The following ARHGEF3 variants were observed in gnomAD, a reference collection of about 807,000 sequenced individuals.
ARHGEF3 encodes the protein Rho guanine nucleotide exchange factor 3, also known as 59.8 kDA protein.
In ARHGEF3, 28 loss-of-function variants were observed where a neutral mutation model predicts 63.2. That is an observed-to-expected ratio of 0.44 (90% CI 0.33 to 0.61). The LOEUF is 0.61. Ranked by LOEUF, ARHGEF3 falls within the 20% of genes least tolerant of loss-of-function variation. ARHGEF3 has a pLI of 0.03. For missense variants in ARHGEF3, 533 were observed against 659.3 expected, an observed-to-expected ratio of 0.81 and a Z score of 2.10; for synonymous variants, 266 against 254.2, an observed-to-expected ratio of 1.05 and a Z score of -0.44.
chr3:56,746,361 T>C (rs1015775173), intron 6 of ARHGEF3, among the ~76,000 whole-genome samples: 1 of 152,248 alleles, frequency 6.6e-6, no homozygotes, highest in African/African-American at 2.4e-5. Context: ...CTCTGTGTTC[T>C]GAATGAACAA....
chr3:56,740,404 T>C (rs979907275), intron 7 of ARHGEF3, among the ~76,000 whole-genome samples: 15 of 152,126 alleles, frequency 9.9e-5, no homozygotes. Flanking sequence ...CATAAAACAA[T>C]AAATAGCAGA....
intron 2 of ARHGEF3, among the ~76,000 whole-genome samples, chr3:56,968,210 A>C (rs1700716049): frequency 4.4e-5 from 1 of 22,582 alleles, no homozygotes; most frequent in Non-Finnish European, 8.6e-5. Flanking sequence ...ATATAAAAAT[A>C]TATATTATAT....
intron 4 of ARHGEF3, among the ~76,000 whole-genome samples, chr3:56,845,081 C>T (rs992177859): frequency 6.6e-6 from 1 of 152,184 alleles, no homozygotes; most frequent in Non-Finnish European, 1.5e-5. Flanking sequence ...AAGGTGGCCT[C>T]CAGCCAACAA....
intron 1 of ARHGEF3, chr3:57,060,301 CAAAA>C (rs11349486): frequency 1.1e-4 from 14 of 132,306 alleles, no homozygotes; most frequent in Non-Finnish European, 1.1e-4. Context: ...GATTCTGTCT[CAAAA>C]AAAAAAAAAA....
intron 1 of ARHGEF3, among the ~76,000 whole-genome samples, chr3:57,071,764 T>A (rs981765654): frequency 6.7e-6 from 1 of 148,820 alleles, no homozygotes; most frequent in Non-Finnish European, 1.5e-5. Context: ...CCAAGAAAAA[T>A]AGATAAATTG....
chr3:56,920,411 C>T (rs773079191), intron 3 of ARHGEF3, among the ~76,000 whole-genome samples: 11 of 152,002 alleles, frequency 7.2e-5, no homozygotes, highest in South Asian at 2.1e-4. Context: ...TGTTCTTGTT[C>T]GATATATCTG....
intron 2 of ARHGEF3, among the ~76,000 whole-genome samples, chr3:56,765,661 C>T (rs548714048): frequency 2.0e-5 from 3 of 152,260 alleles, no homozygotes; most frequent in African/African-American, 7.2e-5. Flanking sequence ...TCCTCCCTTT[C>T]ATCCTTATCA....
chr3:57,069,792 G>A (rs1197416067), intron 1 of ARHGEF3, among the ~76,000 whole-genome samples: 2 of 152,184 alleles, frequency 1.3e-5, no homozygotes, highest in African/African-American at 2.4e-5. Context: ...CTACAGACAT[G>A]TGCCGTCACA....
chr3:56,833,434 G>A (rs983949385), intron 4 of ARHGEF3, among the ~76,000 whole-genome samples: 2 of 151,972 alleles, frequency 1.3e-5, no homozygotes, highest in African/African-American at 2.4e-5. Context: ...TTTATTCCAG[G>A]CATCTACAAA....
intron 2 of ARHGEF3, among the ~76,000 whole-genome samples, chr3:56,967,554 T>TG: frequency 1.1e-5 from 1 of 87,726 alleles, no homozygotes; most frequent in Non-Finnish European, 2.0e-5. Context: ...ATTATGTACA[T>TG]TATATAATAT....
chr3:57,050,089 C>G (rs1436576108), intron 1 of ARHGEF3, among the ~76,000 whole-genome samples: 1 of 152,184 alleles, frequency 6.6e-6, no homozygotes, highest in East Asian at 1.9e-4. Context: ...CCATCCTTCT[C>G]TCATCTTACC....
chr3:56,857,878 T>A (rs2039939377), intron 4 of ARHGEF3, among the ~76,000 whole-genome samples: 2 of 152,168 alleles, frequency 1.3e-5, no homozygotes, highest in Non-Finnish European at 2.9e-5. Flanking sequence ...TGCTTTAGCC[T>A]TTGCATAGCT....
chr3:56,805,837 G>A (rs1459365422), upstream of ARHGEF3, among the ~76,000 whole-genome samples: 1 of 152,166 alleles, frequency 6.6e-6, no homozygotes, highest in Non-Finnish European at 1.5e-5. Flanking sequence ...GCTACAAAAG[G>A]AAAGATGGGA....
At chr3:57,074,515 C>A in intron 1 of ARHGEF3, 1 of 521,786 alleles carries the variant, frequency 1.9e-6, no homozygotes, top group Non-Finnish European at 3.5e-6. Flanking sequence ...AGATCTCATA[C>A]TCTTAGCCCC....
intron 1 of ARHGEF3, among the ~76,000 whole-genome samples, chr3:56,779,205 T>G (rs553919132): frequency 1.3e-5 from 2 of 152,370 alleles, no homozygotes; most frequent in East Asian, 3.9e-4. Context: ...TATTGCATTT[T>G]ATTCTCTTAA....
intron 1 of ARHGEF3, among the ~76,000 whole-genome samples, chr3:57,042,683 TATATATATATATATATA>T (rs1281940158): frequency 0.047 from 1,890 of 40,222 alleles, 210 homozygotes; most frequent in African/African-American, 0.053. Flanking sequence ...TATATATATA[TATATATATATATATATA>T]TTTTTTTTTT....
At chr3:56,787,954 A>G (rs895880180) in intron 1 of ARHGEF3, among the ~76,000 whole-genome samples, 3 of 152,158 alleles carry the variant, frequency 2.0e-5, no homozygotes, top group Non-Finnish European at 4.4e-5. Flanking sequence ...AATTAACCAC[A>G]GCATTGTTAG....
At chr3:56,917,753 G>C (rs1298826790) in intron 3 of ARHGEF3, among the ~76,000 whole-genome samples, 1 of 152,202 alleles carries the variant, frequency 6.6e-6, no homozygotes, top group Admixed American at 6.5e-5. Context: ...CAGAACTACA[G>C]GGTATTTTGG....
At chr3:56,913,174 A>ACAACAAC (rs35229285) in intron 3 of ARHGEF3, among the ~76,000 whole-genome samples, 1 of 150,970 alleles carries the variant, frequency 6.6e-6, no homozygotes, top group Non-Finnish European at 1.5e-5. Flanking sequence ...AACAACAACA[A>ACAACAAC]AAAAAACTAT....
Sources: allele counts gnomAD v4.1 joint callset (sites outside exome capture counted in the v4.1 genomes callset), GRCh38; gene constraint gnomAD v4.1.1; transcripts MANE v1.5; gene names NCBI Gene and HGNC (gene_info 2026-07-23, HGNC 2026-07-21).